Variants in EAF1 observed in about 807,000 individuals in gnomAD.
EAF1 encodes ELL-associated factor 1.
A neutral mutation model predicts 26.6 loss-of-function variants in EAF1; 19 were observed. The ratio of observed to expected loss-of-function variants is 0.71; its 90% confidence interval spans 0.50 to 1.05. EAF1 has a LOEUF of 1.05. Ranked by LOEUF, EAF1 falls within the 50% of genes least tolerant of loss-of-function variation. The pLI is 0.00. For synonymous variants in EAF1, 102 were observed against 120.6 expected (o/e 0.85, Z 1.01); for missense variants, 260 against 335.5 (o/e 0.78, Z 1.76).
Position 15,429,911 on chromosome 3 carries a change from A to G in EAF1, c.104-2A>G. The G allele has an allele frequency of 6.2e-7, 1 of 1,610,256 alleles. No homozygotes were observed. Among genetic ancestry groups the G allele is most frequent in the Non-Finnish European group, 8.5e-7 (1 of 1,177,022 alleles). The stretch of plus-strand genomic sequence containing the variant: ...TAAGTGCTTTTTTTCCTTTCCCTTT[A>G]GATGATTTTAAACCAGCATCTATAG... On this transcript the variant is annotated splice_acceptor_variant, in intron 1 of 5. Transcript: ENST00000396842. LOFTEE classifies it high-confidence loss of function.
intron 3 of EAF1, among the ~76,000 whole-genome samples, chr3:15,433,784 T>C (rs1382865173): frequency 6.6e-6 from 1 of 152,246 alleles, no homozygotes; most frequent in Non-Finnish European, 1.5e-5. Flanking sequence ...CCTACATATA[T>C]GACAGTGGTC....
At chr3:15,436,658 A>G in intron 5 of EAF1, 83 bp downstream of exon 5, 2 of 1,179,868 alleles carry the variant, frequency 1.7e-6, no homozygotes, top group Non-Finnish European at 2.3e-6. Context: ...TACAAACCTA[A>G]AGATGTTTAA....
intron 4 of EAF1, 29 bp downstream of exon 4, chr3:15,434,567 G>T (rs373252534): frequency 1.2e-6 from 2 of 1,610,542 alleles, no homozygotes; most frequent in Non-Finnish European, 1.7e-6. Context: ...ATCCATGATA[G>T]CAACTTGGAG....
chr3:15,431,185 A>T lies in EAF1; in HGVS notation c.199-902A>T, dbSNP rs551368544. Among the ~76,000 whole-genome samples the T allele has an allele frequency of 4.6e-5, 7 of 152,338 alleles. No individual in the cohort carries two copies. In the South Asian group the frequency reaches 1.5e-3, roughly 32 times the overall value. ...AATATTAATCAAATGCCTCCCACAC[A>T]TTGGCCCATTACTAGGCATGAAGTA... On this transcript the variant is annotated intron_variant, in intron 2 of 5. Coordinates refer to ENST00000396842, the MANE Select transcript of EAF1 (RefSeq NM_033083.7).
intron 3 of EAF1, chr3:15,433,028 C>T (rs2061811357): frequency 6.6e-6 from 1 of 151,642 alleles, no homozygotes; most frequent in Admixed American, 6.6e-5. Flanking sequence ...CCCAGGCACT[C>T]TGCTAGATGC....
intron 4 of EAF1, among the ~76,000 whole-genome samples, 178 bp downstream of exon 4, chr3:15,434,716 C>T (rs1263175664): frequency 1.3e-5 from 2 of 152,162 alleles, no homozygotes; most frequent in Non-Finnish European, 2.9e-5. Flanking sequence ...CCACTTACCT[C>T]ATTTGACAAG....
In EAF1 at chr3:15,427,615, A is replaced by G. The variant is rs1476186666; in HGVS notation, c.-165A>G. 9 of 647,160 alleles carry G rather than the reference A, an allele frequency of 1.4e-5. No homozygotes were observed. Among genetic ancestry groups the G allele is most frequent in the East Asian group, 3.0e-5 (1 of 33,718 alleles). 40.1% of individuals were successfully genotyped at this position (647,160 alleles called of 1,614,324 possible). On this transcript the variant is annotated 5_prime_UTR_variant, in exon 1 of 6. Coordinates refer to ENST00000396842, the MANE Select transcript of EAF1 (RefSeq NM_033083.7). The stretch of plus-strand genomic sequence containing the variant: ...TCAGATTCCTCTCTCACCCCCACGC[A>G]GAGGAGAGAACTTGCTTCTGGACCC...
chr3:15,429,268 G>C (rs957738807), intron 1 of EAF1, among the ~76,000 whole-genome samples: 4 of 151,990 alleles, frequency 2.6e-5, no homozygotes, highest in African/African-American at 9.7e-5. Flanking sequence ...GGGAGGCCGA[G>C]GTCGACAGAT....
chr3:15,435,779 C>T (rs2061830958), intron 4 of EAF1, among the ~76,000 whole-genome samples: 3 of 152,158 alleles, frequency 2.0e-5, no homozygotes, highest in Non-Finnish European at 4.4e-5. Flanking sequence ...ATGGTTCTTC[C>T]TGCAAACCTC....
intron 4 of EAF1, among the ~76,000 whole-genome samples, chr3:15,435,080 T>C (rs1341447295): frequency 1.3e-5 from 2 of 152,258 alleles, no homozygotes; most frequent in South Asian, 2.1e-4. Context: ...TAACATCTCT[T>C]TTTTGGGGGG....
At chr3:15,432,718 T>G (rs1227286941) in intron 3 of EAF1, among the ~76,000 whole-genome samples, 1 of 152,140 alleles carries the variant, frequency 6.6e-6, no homozygotes, top group Non-Finnish European at 1.5e-5. Flanking sequence ...CAGTTAGAGT[T>G]TATTTGAAAA....
intron 5 of EAF1, chr3:15,438,815 G>A: frequency 4.1e-6 from 1 of 246,416 alleles, no homozygotes; most frequent in South Asian, 5.8e-5. Context: ...GTGAGCCACT[G>A]CGCCCAGACA....
chr3:15,429,873 G>A, intron 1 of EAF1, 40 bp from the exon 2 acceptor site: 1 of 1,359,100 alleles, frequency 7.4e-7, no homozygotes, highest in African/African-American at 1.4e-5. Flanking sequence ...CTTATTATAA[G>A]TAACCTGGTG....
chr3:15,428,639 T>C (rs115489732), intron 1 of EAF1, among the ~76,000 whole-genome samples: 108 of 152,324 alleles, frequency 7.1e-4, no homozygotes, highest in African/African-American at 2.5e-3. Context: ...AATGTCCAAA[T>C]AGTCATTATG....
At position 15,441,489 on chromosome 3, in the gene EAF1, CTTTTTTTTTTTT is replaced by C. The variant is rs11343442; in HGVS notation, c.*2345_*2356del. On this transcript the variant is annotated 3_prime_UTR_variant, in exon 6 of 6. Transcript: ENST00000396842. Reference sequence around the variant, plus strand: ...GAGTGCCCTGTGTGTACATACTGACCTTTTTTTTTTTTTTTTTTTTTTGCTTGAACTCTGGTC... The same window carrying C: ...GAGTGCCCTGTGTGTACATACTGACCTTTTTTTTTTGCTTGAACTCTGGTC... 1 of 71,672 alleles carries C rather than the reference CTTTTTTTTTTTT, an allele frequency of 1.4e-5. No homozygotes were observed. The highest frequency in any genetic ancestry group is 6.5e-5 in the African/African-American group (1 of 15,462). 4.4% of individuals were successfully genotyped at this position (71,672 alleles called of 1,614,324 possible).
rs750633540 is a variant in EAF1, at chr3:15,432,288, T to C, written c.335+65T>C. ...AAACCTCTGTTATCTATTCAGTTTTTATAAGGTTGTGAACATCTGCTTGCT... is the reference window on the plus strand; with the variant it reads ...AAACCTCTGTTATCTATTCAGTTTTCATAAGGTTGTGAACATCTGCTTGCT... On this transcript the variant is annotated intron_variant, in intron 3 of 5. Coordinates refer to ENST00000396842, the MANE Select transcript of EAF1 (RefSeq NM_033083.7). 6.3e-4 allele frequency: 994 copies of C among 1,585,064 alleles called. 2 individuals are homozygous for C. The highest frequency in any genetic ancestry group is 7.8e-4 in the Non-Finnish European group (906 of 1,164,784).
chr3:15,432,584 GTGAAAACATTAA>G (rs1412597769), intron 3 of EAF1, among the ~76,000 whole-genome samples: 1 of 152,092 alleles, frequency 6.6e-6, no homozygotes, highest in Non-Finnish European at 1.5e-5. Context: ...CTTAACTGGA[GTGAAAACATTAA>G]TTTTTTTACA....
intron 4 of EAF1, among the ~76,000 whole-genome samples, chr3:15,435,246 T>A (rs1575452320): frequency 6.6e-6 from 1 of 152,192 alleles, no homozygotes; most frequent in Non-Finnish European, 1.5e-5. Context: ...ACTGCAAACC[T>A]GAGACAAAAA....
chr3:15,436,792 C>G (rs143887601), intron 5 of EAF1: 1 of 433,510 alleles, frequency 2.3e-6, no homozygotes, highest in East Asian at 3.3e-5. Context: ...TGGCTCATAC[C>G]GGTGTTTGTG....
Sources: gnomAD v4.1 joint callset for allele counts (sites outside exome capture counted in the v4.1 genomes callset) on GRCh38, gnomAD v4.1.1 for gene constraint, MANE v1.5 for transcripts, NCBI Gene and HGNC (gene_info 2026-07-23, HGNC 2026-07-21) for gene names.